The following TAFA2 variants were observed in gnomAD, a reference collection of about 807,000 sequenced individuals.
The protein encoded by TAFA2 is chemokine-like protein TAFA-2.
A neutral mutation model predicts 18.8 loss-of-function variants in TAFA2; 7 were observed. That is an observed-to-expected ratio of 0.37 (90% CI 0.21 to 0.70). The LOEUF (loss-of-function observed/expected upper bound fraction) is 0.70, where lower values mean the gene tolerates loss of function less well. Ranked by LOEUF, TAFA2 falls within the 30% of genes least tolerant of loss-of-function variation. The pLI is 0.53. For synonymous variants in TAFA2, 60 were observed against 54.2 expected, an observed-to-expected ratio of 1.11 and a Z score of -0.47; for missense variants, 122 against 158.1, an observed-to-expected ratio of 0.77 and a Z score of 1.23.
At chr12:61,757,821 G>A (rs1869346870) in intron 2 of TAFA2, among the ~76,000 whole-genome samples, 1 of 152,066 alleles carries the variant, frequency 6.6e-6, no homozygotes, top group Non-Finnish European at 1.5e-5. Context: ...CCAATTAAAA[G>A]AAGAGAAATA....
intron 1 of TAFA2, among the ~76,000 whole-genome samples, chr12:61,935,347 A>G (rs921695815): frequency 3.8e-5 from 5 of 133,050 alleles, no homozygotes; most frequent in Admixed American, 3.5e-4. Flanking sequence ...ATATCTTTGG[A>G]AAATTTTACT....
intron 1 of TAFA2, among the ~76,000 whole-genome samples, chr12:62,073,434 CT>C: frequency 6.7e-6 from 1 of 150,296 alleles, no homozygotes; most frequent in African/African-American, 2.5e-5. Context: ...ATTATCTTAT[CT>C]ATATATTATA....
intron 1 of TAFA2, among the ~76,000 whole-genome samples, chr12:61,929,353 C>A (rs1297559621): frequency 6.6e-6 from 1 of 152,026 alleles, no homozygotes; most frequent in Non-Finnish European, 1.5e-5. Context: ...AGGATATGAA[C>A]AGACACTTCT....
chr12:62,147,328 A>ATG (rs1320837474), intron 1 of TAFA2, among the ~76,000 whole-genome samples: 75 of 15,104 alleles, frequency 5.0e-3, no homozygotes, highest in African/African-American at 7.0e-3. Flanking sequence ...GTATGTATGT[A>ATG]TATATATATA....
At chr12:61,780,147 G>GA (rs35983957) in intron 2 of TAFA2, among the ~76,000 whole-genome samples, 42,839 of 151,712 alleles carry the variant, frequency 0.28, 6,761 homozygotes, top group South Asian at 0.4. Flanking sequence ...GAGAGGGCAG[G>GA]AAGCAGATTA....
rs867027149 is a variant in TAFA2, at chr12:61,864,724, G to A, written c.106+2596C>T. Among the ~76,000 whole-genome samples, 8 of 134,576 alleles carry A rather than the reference G, an allele frequency of 5.9e-5. No individual in the cohort carries two copies. The South Asian group carries it at 1.9e-3, about 32-fold the overall frequency. The allele number at this position is 134,576 out of a possible 152,430, so 88.3% of individuals were successfully genotyped here. On this transcript the variant is annotated intron_variant, in intron 2 of 4. Coordinates refer to ENST00000416284, the MANE Select transcript of TAFA2 (RefSeq NM_178539.5). ...GGAGGCGGAGCTTTCAGTGAGCTGAGATCACGCCACTGCACTCTAGCCTAG... is the reference window on the plus strand; with the variant it reads ...GGAGGCGGAGCTTTCAGTGAGCTGAAATCACGCCACTGCACTCTAGCCTAG...
chr12:61,881,213 A>C (rs1476812718), intron 1 of TAFA2, among the ~76,000 whole-genome samples: 1 of 152,170 alleles, frequency 6.6e-6, no homozygotes, highest in Non-Finnish European at 1.5e-5. Context: ...TTATTTGCCA[A>C]TATAATATTA....
chr12:61,951,443 T>C (rs1238190532), intron 1 of TAFA2, among the ~76,000 whole-genome samples: 1 of 152,100 alleles, frequency 6.6e-6, no homozygotes, highest in African/African-American at 2.4e-5. Flanking sequence ...CAAAGAGTAA[T>C]GTACATGCCT....
At chr12:62,005,476 T>G (rs548822830) in intron 1 of TAFA2, among the ~76,000 whole-genome samples, 1 of 152,220 alleles carries the variant, frequency 6.6e-6, no homozygotes, top group South Asian at 2.1e-4. Context: ...GAAAATAATT[T>G]AATGTAAAAT....
intron 1 of TAFA2, among the ~76,000 whole-genome samples, chr12:62,010,758 C>A (rs1243984894): frequency 1.3e-5 from 2 of 149,390 alleles, no homozygotes; most frequent in Non-Finnish European, 3.0e-5. Flanking sequence ...CTCTGCCCGG[C>A]CCCCCCGTCT....
intron 1 of TAFA2, among the ~76,000 whole-genome samples, chr12:62,120,029 T>C (rs984809833): frequency 6.6e-6 from 1 of 150,944 alleles, no homozygotes; most frequent in African/African-American, 2.4e-5. Flanking sequence ...GCCATTGCAC[T>C]CCAGCCTGGG....
chr12:62,096,613 A>T (rs1337925333), intron 1 of TAFA2, among the ~76,000 whole-genome samples: 3 of 152,160 alleles, frequency 2.0e-5, no homozygotes. Context: ...ATAAATGACC[A>T]CATTTTGCCT....
At position 61,713,735 on chromosome 12, in the gene TAFA2, C is replaced by A. The variant is rs184792454; in HGVS notation, c.385-3318G>T. On this transcript the variant is annotated intron_variant, in intron 4 of 4. Transcript: ENST00000416284. ...ACCTAAAATTAAACAAAAATATCAA[C>A]CTTTTATGATTTGTATGCTTATTTT... Among the ~76,000 whole-genome samples the A allele has an allele frequency of 3.9e-5, 6 of 152,178 alleles. No individual in the cohort carries two copies. The East Asian group carries it at 9.7e-4, about 24-fold the overall frequency.
intron 2 of TAFA2, among the ~76,000 whole-genome samples, chr12:61,778,536 C>T (rs1310403793): frequency 1.3e-5 from 2 of 151,756 alleles, no homozygotes; most frequent in African/African-American, 4.8e-5. Flanking sequence ...TGACTTTACT[C>T]ATCACTCATT....
intron 1 of TAFA2, among the ~76,000 whole-genome samples, chr12:62,026,446 C>G (rs1017492762): frequency 6.6e-6 from 1 of 152,020 alleles, no homozygotes; most frequent in African/African-American, 2.4e-5. Context: ...AGGTTCTTGG[C>G]AAAACCTGGA....
At chr12:62,251,745 A>C (rs1248138551) in intron 1 of TAFA2, among the ~76,000 whole-genome samples, 1 of 152,084 alleles carries the variant, frequency 6.6e-6, no homozygotes, top group East Asian at 1.9e-4. Flanking sequence ...AGTCTTTAAA[A>C]CCCTACATCA....
At chr12:61,866,074 GA>G (rs1349974285) in intron 2 of TAFA2, among the ~76,000 whole-genome samples, 2 of 152,110 alleles carry the variant, frequency 1.3e-5, no homozygotes, top group Non-Finnish European at 2.9e-5. Context: ...ATATTAAAGA[GA>G]ATTTAAAGTC....
intron 1 of TAFA2, among the ~76,000 whole-genome samples, chr12:62,035,665 G>A (rs1280561967): frequency 4.0e-5 from 6 of 151,546 alleles, no homozygotes; most frequent in Non-Finnish European, 8.8e-5. Context: ...AAGCAGGCAG[G>A]GGCCAGACCC....
At chr12:61,943,500 C>A (rs1164347447) in intron 1 of TAFA2, among the ~76,000 whole-genome samples, 2 of 143,786 alleles carry the variant, frequency 1.4e-5, no homozygotes, top group Non-Finnish European at 3.1e-5. Flanking sequence ...TTAAAAGACA[C>A]AGACTGGCAA....
Sources: allele counts gnomAD v4.1 joint callset (sites outside exome capture counted in the v4.1 genomes callset), GRCh38; gene constraint gnomAD v4.1.1; transcripts MANE v1.5; gene names NCBI Gene and HGNC (gene_info 2026-07-23, HGNC 2026-07-21).